Variants in SLC30A8 observed in about 807,000 individuals in gnomAD.
SLC30A8 encodes proton-coupled zinc antiporter SLC30A8.
Under a neutral mutation model 36.9 loss-of-function variants are expected in SLC30A8, and 27 were observed. The ratio of observed to expected loss-of-function variants is 0.73; its 90% CI spans 0.54 to 1.01. The LOEUF (loss-of-function observed/expected upper bound fraction) is 1.01. Ranked by LOEUF, SLC30A8 falls within the 50% of genes least tolerant of loss-of-function variation. The pLI is 0.00. For missense variants in SLC30A8, 439 were observed against 452.0 expected (o/e 0.97, Z 0.26); for synonymous variants, 164 against 172.4 (o/e 0.95, Z 0.38).
At chr8:116,977,370 G>C (rs1235698485) in intron 1 of SLC30A8, among the ~76,000 whole-genome samples, 3 of 148,316 alleles carry the variant, frequency 2.0e-5, no homozygotes, top group Non-Finnish European at 4.5e-5. Flanking sequence ...AGCCAGGATG[G>C]TATTGATCTC....
rs543197960 is a variant in SLC30A8 at position 116,953,706 on chromosome 8, C to T, written c.-266+2587C>T. Among the ~76,000 whole-genome samples, 128 of 152,280 alleles carry T rather than the reference C, an allele frequency of 8.4e-4. 2 individuals are homozygous for T. The highest frequency in any genetic ancestry group is 3.4e-3 in the Middle Eastern group (1 of 294). ...CTCATGTCTGACTTTCCCTGCTCTG[C>T]TGGGTTTTGTAGCATTTTTCTATCA... On this transcript the variant is annotated intron_variant, in intron 1 of 10. Coordinates refer to the SLC30A8 transcript ENST00000427715.
chr8:117,056,108 TCCAG>T (rs1817861956), intron 2 of SLC30A8: 3 of 152,264 alleles, frequency 2.0e-5, no homozygotes, highest in Non-Finnish European at 4.4e-5. Flanking sequence ...GCTTAACTCC[TCCAG>T]TAAAGATGGT....
chr8:117,147,074 G>A lies in SLC30A8; in HGVS notation c.192G>A (p.Ala64=), dbSNP rs762011807. The change falls in exon 2 of 8, where the codon GCG becomes GCA. Residue 64 remains alanine (A), a synonymous_variant. Transcript: ENST00000456015. The stretch of plus-strand genomic sequence containing the variant: ...GCTCCAAGCCCACAGAAAAGGGGGC[G>A]AATGAGTACGCCTATGCCAAGTGGA... ...HSGSKPTEKG[A]NEYAYAKWKL... The A allele has an allele frequency of 7.4e-6, 12 of 1,613,994 alleles. No individual in the cohort carries two copies. Among genetic ancestry groups the A allele is most frequent in the Non-Finnish European group, 1.0e-5 (12 of 1,180,012 alleles).
intron 1 of SLC30A8, among the ~76,000 whole-genome samples, chr8:117,003,549 T>A (rs938067218): frequency 1.3e-5 from 2 of 152,170 alleles, no homozygotes; most frequent in Non-Finnish European, 2.9e-5. Context: ...GATGTAAAGG[T>A]TATCAAGAAG....
At chr8:117,029,210 G>A (rs938230333) in intron 1 of SLC30A8, among the ~76,000 whole-genome samples, 5 of 152,076 alleles carry the variant, frequency 3.3e-5, no homozygotes, top group Non-Finnish European at 4.4e-5. Context: ...AGTATCAGTC[G>A]ATGAGTTCAT....
At chr8:117,031,221 C>T (rs1467069756) in intron 1 of SLC30A8, among the ~76,000 whole-genome samples, 2 of 149,640 alleles carry the variant, frequency 1.3e-5, no homozygotes, top group Non-Finnish European at 3.0e-5. Flanking sequence ...TTTGTATGCA[C>T]ATTTTGGTCA....
intron 2 of SLC30A8, among the ~76,000 whole-genome samples, chr8:117,104,756 GA>G (rs1197463936): frequency 1.3e-5 from 2 of 152,152 alleles, no homozygotes; most frequent in East Asian, 3.9e-4. Context: ...TCCATTGGCA[GA>G]GCAGCCCAGA....
chr8:116,959,144 C>T (rs1329669102), intron 1 of SLC30A8, among the ~76,000 whole-genome samples: 3 of 152,084 alleles, frequency 2.0e-5, no homozygotes, highest in Non-Finnish European at 2.9e-5. Context: ...CAACCGTGCC[C>T]GGCCCACTCT....
At chr8:117,065,944 G>C (rs1818154842) in intron 2 of SLC30A8, among the ~76,000 whole-genome samples, 1 of 152,136 alleles carries the variant, frequency 6.6e-6, no homozygotes, top group South Asian at 2.1e-4. Flanking sequence ...TAGCAAAACT[G>C]AGAAAACTGG....
intron 1 of SLC30A8, among the ~76,000 whole-genome samples, chr8:117,034,115 G>A (rs78955840): frequency 0.037 from 5,656 of 152,320 alleles, 144 homozygotes; most frequent in South Asian, 0.075. Context: ...TAAACAATGA[G>A]TGAGGTTATT....
At chr8:116,981,571 C>T in intron 1 of SLC30A8, among the ~76,000 whole-genome samples, 1 of 152,190 alleles carries the variant, frequency 6.6e-6, no homozygotes, top group East Asian at 1.9e-4. Context: ...TCCTCCCTCT[C>T]ACTACCCTCA....
intron 1 of SLC30A8, among the ~76,000 whole-genome samples, chr8:116,973,524 C>G (rs1814865448): frequency 6.6e-6 from 1 of 152,138 alleles, no homozygotes; most frequent in African/African-American, 2.4e-5. Context: ...AACCGCTGCT[C>G]AACGAAATAA....
rs1821806322 is a variant in SLC30A8 at position 117,144,479 on chromosome 8, G to A, written c.72-2475G>A. Among the ~76,000 whole-genome samples the A allele has an allele frequency of 2.0e-5, 3 of 152,170 alleles. No homozygotes were observed. The South Asian group carries it at 6.2e-4, about 32-fold the overall frequency. ...TTCCCCTTTAAGATTCCACTTTAAG[G>A]AGATAATATATTGAGCAAAGATTAA... On this transcript the variant is annotated intron_variant, in intron 1 of 7. Transcript: ENST00000456015.
intron 1 of SLC30A8, among the ~76,000 whole-genome samples, chr8:117,031,472 T>C (rs549132317): frequency 6.6e-6 from 1 of 152,168 alleles, no homozygotes; most frequent in South Asian, 2.1e-4. Context: ...CTTTTCTTTT[T>C]TTTTTTAATG....
rs918194013 is a variant in SLC30A8, at chr8:117,135,048, T to C, written c.-280T>C. 7.4e-6 allele frequency: 2 copies of C among 271,010 alleles called. No individual in the cohort carries two copies. The highest frequency in any genetic ancestry group is 1.4e-5 in the Non-Finnish European group (2 of 145,732). The allele number at this position is 271,010 out of a possible 1,614,324, so 16.8% of individuals were successfully genotyped here. On this transcript the variant is annotated 5_prime_UTR_variant, in exon 1 of 8. The change abolishes an upstream ATG in the 5' untranslated region. Coordinates refer to ENST00000456015, the MANE Select transcript of SLC30A8 (RefSeq NM_173851.3). ...AAGCACAATTGAATCAGATATCATA[T>C]GAAAGACATACACACTTCATGTAAT...
chr8:117,006,743 A>T (rs918811810), intron 1 of SLC30A8, among the ~76,000 whole-genome samples: 2 of 144,518 alleles, frequency 1.4e-5, no homozygotes, highest in Non-Finnish European at 1.5e-5. Context: ...ACGGCTAGTT[A>T]GTGCTAAGAC....
intron 2 of SLC30A8, among the ~76,000 whole-genome samples, chr8:117,054,098 C>CGTTTTTT (rs1817792131): frequency 8.1e-6 from 1 of 124,170 alleles, no homozygotes; most frequent in African/African-American, 3.1e-5. Flanking sequence ...CTGCAAAAAT[C>CGTTTTTT]TTTTTTTTTT....
At chr8:117,161,977 G>C in intron 5 of SLC30A8, 89 bp downstream of exon 5, 6 of 1,192,344 alleles carry the variant, frequency 5.0e-6, no homozygotes, top group Non-Finnish European at 7.0e-6. Flanking sequence ...AAGAGAATGG[G>C]CATCCTCTGT....
At chr8:117,132,234 C>G (rs532467201), upstream of SLC30A8, among the ~76,000 whole-genome samples, 1 of 152,060 alleles carries the variant, frequency 6.6e-6, no homozygotes, top group East Asian at 1.9e-4. Context: ...TCCATATGTC[C>G]TTTCTACAAG....
Sources: gnomAD v4.1 joint callset for allele counts (sites outside exome capture counted in the v4.1 genomes callset) on GRCh38, gnomAD v4.1.1 for gene constraint, MANE v1.5 for transcripts, NCBI Gene and HGNC (gene_info 2026-07-23, HGNC 2026-07-21) for gene names.